The following ABCC1 variants were observed in gnomAD, a reference collection of about 807,000 sequenced individuals.
ABCC1 encodes multidrug resistance-associated protein 1.
A neutral mutation model predicts 172.9 loss-of-function variants in ABCC1; 83 were observed. That is an observed-to-expected ratio of 0.48 (90% CI 0.40 to 0.58). ABCC1 has a LOEUF of 0.58. Among genes scored for constraint, ABCC1 ranks in the 20% least tolerant of loss-of-function variants. The pLI, the probability that ABCC1 is intolerant of heterozygous loss-of-function variation, is 0.00. For synonymous variants in ABCC1, 937 were observed against 825.2 expected, an observed-to-expected ratio of 1.14 and a Z score of -2.32; for missense variants, 1,817 against 2,002.7, an observed-to-expected ratio of 0.91 and a Z score of 1.77.
intron 1 of ABCC1, among the ~76,000 whole-genome samples, chr16:15,961,030 A>G (rs1394178455): frequency 7.4e-6 from 1 of 135,034 alleles, no homozygotes; most frequent in Admixed American, 7.8e-5. Flanking sequence ...TTTTTAAAAT[A>G]GATGGGGGTC....
At chr16:16,015,692 T>C (rs1359746734) in intron 4 of ABCC1, among the ~76,000 whole-genome samples, 3 of 152,194 alleles carry the variant, frequency 2.0e-5, no homozygotes, top group Non-Finnish European at 2.9e-5. Flanking sequence ...TCAGCACTAA[T>C]CGACATTTTG....
Position 16,048,320 on chromosome 16 carries a change from G to T in ABCC1, c.1380+17G>T. The T allele has an allele frequency of 6.2e-7, 1 of 1,613,090 alleles. No homozygotes were observed. Among genetic ancestry groups the T allele is most frequent in the Non-Finnish European group, 8.5e-7 (1 of 1,179,212 alleles). On this transcript the variant is annotated intron_variant, in intron 10 of 30. Transcript: ENST00000399410. ...CTGTGGCTGGTGTGTGTTTAACGCC[G>T]TTTCCCTTTGCATGCAGGGAGGGAC...
chr16:15,965,685 C>T (rs1311735546), intron 1 of ABCC1, among the ~76,000 whole-genome samples: 1 of 152,092 alleles, frequency 6.6e-6, no homozygotes, highest in Non-Finnish European at 1.5e-5. Flanking sequence ...TGACCTCTGC[C>T]TCCTGGGTTC....
chr16:16,010,236 G>A (rs1290586077), intron 3 of ABCC1, among the ~76,000 whole-genome samples: 1 of 151,710 alleles, frequency 6.6e-6, no homozygotes, highest in Non-Finnish European at 1.5e-5. Flanking sequence ...AAATTTTTCT[G>A]TAGAAATGGG....
intron 7 of ABCC1, among the ~76,000 whole-genome samples, chr16:16,038,569 T>C (rs770391357): frequency 1.3e-5 from 2 of 152,152 alleles, no homozygotes; most frequent in Non-Finnish European, 2.9e-5. Flanking sequence ...GGGGCGAGGA[T>C]GGATCTTCCT....
intron 1 of ABCC1, among the ~76,000 whole-genome samples, chr16:15,974,255 G>A (rs1268996408): frequency 3.9e-5 from 6 of 152,096 alleles, no homozygotes; most frequent in Non-Finnish European, 7.3e-5. Flanking sequence ...TGTCTGCCTC[G>A]GTTTGGCAAA....
rs568557902 is a variant in ABCC1 at position 16,062,022 on chromosome 16, C to G, written c.1677+5727C>G. On this transcript the variant is annotated intron_variant, in intron 12 of 30. Coordinates refer to ENST00000399410, the MANE Select transcript of ABCC1 (RefSeq NM_004996.4). ...TCCTGAGCTCGAGCAGTCCGCCTGC[C>G]TCTGTCTCCCAAAGTGCTGGGATTG... 7.2e-5 allele frequency among the ~76,000 whole-genome samples: 11 copies of G among 152,194 alleles called. No homozygotes were observed. In the East Asian group the frequency reaches 2.1e-3, roughly 29 times the overall value.
intron 12 of ABCC1, among the ~76,000 whole-genome samples, chr16:16,060,200 T>G (rs2049853233): frequency 6.7e-6 from 1 of 149,546 alleles, no homozygotes; most frequent in South Asian, 2.1e-4. Context: ...CCTCGCTGGC[T>G]CTAGATTTTG....
chr16:15,998,583 C>T (rs1329611682), intron 1 of ABCC1, among the ~76,000 whole-genome samples: 1 of 152,154 alleles, frequency 6.6e-6, no homozygotes, highest in African/African-American at 2.4e-5. Context: ...GTCATGCCTT[C>T]CTTCCCTTCC....
At chr16:16,001,123 A>C (rs750229499) in intron 1 of ABCC1, among the ~76,000 whole-genome samples, 1 of 152,186 alleles carries the variant, frequency 6.6e-6, no homozygotes, top group Non-Finnish European at 1.5e-5. Context: ...ACATTTGGGG[A>C]ACAGGGTGGG....
Position 16,040,064 on chromosome 16 carries a change from T to TTGTATGTATGTA in ABCC1, c.809+3495_809+3506dup, listed in dbSNP as rs10543561. On this transcript the variant is annotated intron_variant, in intron 7 of 30. Coordinates refer to ENST00000399410, the MANE Select transcript of ABCC1 (RefSeq NM_004996.4). ...TGAGTTCTGTTGTTTGTTTGTTTGTTTGTATGTATGTATGTATGTATGTAT... is the reference window on the plus strand; with the variant it reads ...TGAGTTCTGTTGTTTGTTTGTTTGTTTGTATGTATGTATGTATGTATGTATGTATGTATGTAT... 6.3e-3 allele frequency among the ~76,000 whole-genome samples: 852 copies of TTGTATGTATGTA among 134,872 alleles called. 3 individuals are homozygous for TTGTATGTATGTA. Among genetic ancestry groups the TTGTATGTATGTA allele is most frequent in the Non-Finnish European group, 8.8e-3 (556 of 63,082 alleles). 88.5% of individuals were successfully genotyped at this position (134,872 alleles called of 152,430 possible).
At chr16:16,046,967 G>A (rs1264349583) in intron 9 of ABCC1, among the ~76,000 whole-genome samples, 2 of 128,094 alleles carry the variant, frequency 1.6e-5, no homozygotes, top group South Asian at 2.2e-4. Flanking sequence ...GACCAAGGTG[G>A]GGGAATCACT....
chr16:16,041,483 A>G (rs2048975888), intron 7 of ABCC1, among the ~76,000 whole-genome samples: 1 of 152,074 alleles, frequency 6.6e-6, no homozygotes, highest in Non-Finnish European at 1.5e-5. Context: ...GCGTGGAGCC[A>G]GGGGATCATT....
At chr16:16,105,632 TAGAGG>T (rs1461000172) in intron 20 of ABCC1, among the ~76,000 whole-genome samples, 3 of 152,054 alleles carry the variant, frequency 2.0e-5, no homozygotes, top group Non-Finnish European at 1.5e-5. Context: ...GATAAGTGGG[TAGAGG>T]AAAGTATAGA....
intron 1 of ABCC1, among the ~76,000 whole-genome samples, chr16:15,955,243 C>T (rs2045965768): frequency 6.6e-6 from 1 of 152,110 alleles, no homozygotes; most frequent in African/African-American, 2.4e-5. Context: ...GTAATCCCAG[C>T]TACTTGGGAG....
chr16:16,090,446 G>A lies in ABCC1; in HGVS notation c.2502G>A (p.Gln834=), dbSNP rs529535284. The A allele has an allele frequency of 1.9e-6, 3 of 1,613,236 alleles. No individual in the cohort carries two copies. Among genetic ancestry groups the A allele is most frequent in the South Asian group, 2.2e-5 (2 of 90,982 alleles). Residue 834 remains glutamine, a synonymous_variant, in exon 19 of 31, where the codon CAG becomes CAA. Transcript: ENST00000399410. ...CGCACAGCATGAGCTACTTGCCGCA[G>A]GTGGACGTCATCATCGTCATGAGTG... The part of the protein sequence containing the change: ...LVTHSMSYLP[Q]VDVIIVMSGG...
chr16:16,076,465 G>T, intron 15 of ABCC1, 64 bp downstream of exon 15: 1 of 1,466,758 alleles, frequency 6.8e-7, no homozygotes, highest in Non-Finnish European at 9.2e-7. Context: ...GTTAAACGTG[G>T]ATTCGAATTC....
At chr16:15,965,787 G>T (rs1477348930) in intron 1 of ABCC1, among the ~76,000 whole-genome samples, 1 of 151,120 alleles carries the variant, frequency 6.6e-6, no homozygotes, top group African/African-American at 2.4e-5. Flanking sequence ...AGTAGAGATG[G>T]GGTTTCACCA....
chr16:16,129,893 C>A (rs1184088054), intron 26 of ABCC1, among the ~76,000 whole-genome samples: 1 of 152,168 alleles, frequency 6.6e-6, no homozygotes, highest in East Asian at 1.9e-4. Flanking sequence ...CTAAAAGTTG[C>A]CCGGCGTTTT....
Sources: gnomAD v4.1 joint callset for allele counts (sites outside exome capture counted in the v4.1 genomes callset) on GRCh38, gnomAD v4.1.1 for gene constraint, MANE v1.5 for transcripts, NCBI Gene and HGNC (gene_info 2026-07-23, HGNC 2026-07-21) for gene names.